Variants in DCAF6 observed in about 807,000 individuals in gnomAD.
The protein encoded by DCAF6 is DDB1- and CUL4-associated factor 6.
Under a neutral mutation model 125.1 loss-of-function variants are expected in DCAF6, and 54 were observed. That is an observed-to-expected ratio of 0.43 (90% CI 0.35 to 0.54). The LOEUF (loss-of-function observed/expected upper bound fraction) is 0.54, where lower values mean the gene tolerates loss of function less well. Among genes scored for constraint, DCAF6 ranks in the 20% least tolerant of loss-of-function variants. DCAF6 has a pLI of 0.01. For missense variants in DCAF6, 934 were observed against 1,161.7 expected (o/e 0.80, Z 2.85); for synonymous variants, 371 against 390.4 (o/e 0.95, Z 0.58).
At chr1:167,893,726 CTT>C in the DCAF6 span, 1 of 320,092 alleles carries the variant, frequency 3.1e-6, no homozygotes, top group East Asian at 8.7e-5. Flanking sequence ...AAAAGGAAGT[CTT>C]TTTATTTTAA....
the DCAF6 span, among the ~76,000 whole-genome samples, chr1:167,903,640 CA>C: frequency 2.6e-5 from 4 of 152,118 alleles, no homozygotes; most frequent in African/African-American, 9.7e-5. Context: ...CTTTTAAAAG[CA>C]GTGTATAATT....
At chr1:167,897,175 TAA>T in the DCAF6 span, among the ~76,000 whole-genome samples, 60 of 136,350 alleles carry the variant, frequency 4.4e-4, no homozygotes, top group Admixed American at 6.7e-4. Flanking sequence ...TATTCTTGGT[TAA>T]AAAAAAAAAA....
At chr1:168,030,523 C>T (rs1686940053) in intron 12 of DCAF6, among the ~76,000 whole-genome samples, 1 of 152,284 alleles carries the variant, frequency 6.6e-6, no homozygotes, top group South Asian at 2.1e-4. Flanking sequence ...TGATTAGAGA[C>T]TGAATCACTT....
In DCAF6 at chr1:167,987,460, CG is replaced by C. The variant is rs757622063; in HGVS notation, c.439-34del. The C allele has an allele frequency of 8.0e-6, 8 of 999,424 alleles. No individual in the cohort carries two copies. In the East Asian group the frequency reaches 1.7e-4, roughly 21 times the overall value. 61.9% of individuals were successfully genotyped at this position (999,424 alleles called of 1,614,324 possible). On this transcript the variant is annotated intron_variant, in intron 4 of 21. Transcript: ENST00000367840. ...TTTCAGAGCCGTCTGTTTAAATGTT[CG>C]TATGATTATCTGCACTTTTCTTTTC...
chr1:167,866,887 C>T, the DCAF6 span, among the ~76,000 whole-genome samples: 1 of 152,182 alleles, frequency 6.6e-6, no homozygotes, highest in Admixed American at 6.5e-5. Context: ...AAGGCTGGCC[C>T]CCATATCTAA....
rs1343864041 is a variant in DCAF6, at chr1:168,002,589, G to T, written c.997+14G>T. On this transcript the variant is annotated intron_variant, in intron 8 of 21. Transcript: ENST00000367840. The stretch of plus-strand genomic sequence containing the variant: ...GAGAACGAGATGGTAACTATACTTT[G>T]GTCAGCTTTTCTTTGTATATGGTAT... 14 of 1,603,834 alleles carry T rather than the reference G, an allele frequency of 8.7e-6. 1 individual carries two copies. The Admixed American group carries it at 2.4e-4, about 27-fold the overall frequency.
intron 5 of DCAF6, among the ~76,000 whole-genome samples, chr1:167,989,072 T>C (rs1186643459): frequency 6.6e-6 from 1 of 151,412 alleles, no homozygotes; most frequent in African/African-American, 2.4e-5. Context: ...ACTGCGAGAC[T>C]CCATCTCAAA....
At chr1:167,880,086 A>C in the DCAF6 span, 14 of 1,597,028 alleles carry the variant, frequency 8.8e-6, no homozygotes, top group East Asian at 2.2e-4. Flanking sequence ...TTGCAGAAAG[A>C]AAGCTGGAGA....
upstream of DCAF6, among the ~76,000 whole-genome samples, chr1:167,933,445 G>C (rs1670970812): frequency 6.6e-6 from 1 of 152,130 alleles, no homozygotes; most frequent in South Asian, 2.1e-4. Context: ...GGGATTACAG[G>C]TGTGAGCCAC....
In DCAF6 at chr1:168,003,096, A is replaced by G. The variant is rs117000515; in HGVS notation, c.997+521A>G. Among the ~76,000 whole-genome samples, 54 of 152,302 alleles carry G rather than the reference A, an allele frequency of 3.5e-4. No individual in the cohort carries two copies. The East Asian group carries it at 7.5e-3, about 21-fold the overall frequency. ...ATTGGTCTGTAACCAAAATCTTACTATAATGACTTCTGAAACATCTCTTGT... is the reference window on the plus strand; with the variant it reads ...ATTGGTCTGTAACCAAAATCTTACTGTAATGACTTCTGAAACATCTCTTGT... On this transcript the variant is annotated intron_variant, in intron 8 of 21. Transcript: ENST00000367840.
chr1:167,940,059 A>G (rs950736988), intron 1 of DCAF6, among the ~76,000 whole-genome samples: 3 of 152,198 alleles, frequency 2.0e-5, no homozygotes, highest in Admixed American at 2.0e-4. Context: ...TTATTTCACC[A>G]TAGCATGTGC....
At chr1:168,058,399 A>G (rs915122271) in intron 17 of DCAF6, among the ~76,000 whole-genome samples, 5 of 152,220 alleles carry the variant, frequency 3.3e-5, no homozygotes, top group African/African-American at 1.2e-4. Flanking sequence ...ATATCTAACA[A>G]TATTTTTTAA....
At chr1:167,992,252 T>TACACACACACACACACAC (rs761598229) in intron 6 of DCAF6, among the ~76,000 whole-genome samples, 1,498 of 143,102 alleles carry the variant, frequency 0.01, 17 homozygotes, top group East Asian at 0.026. Flanking sequence ...AGGCCAGGAT[T>TACACACACACACACACAC]ACACACACAC....
the DCAF6 span, among the ~76,000 whole-genome samples, chr1:167,874,377 G>A: frequency 1.3e-5 from 2 of 151,984 alleles, no homozygotes; most frequent in African/African-American, 4.8e-5. Flanking sequence ...ATAAACTTAT[G>A]AAGAAGGAGC....
At chr1:167,982,789 C>T (rs749229416) in intron 4 of DCAF6, among the ~76,000 whole-genome samples, 47 of 151,914 alleles carry the variant, frequency 3.1e-4, no homozygotes, top group Non-Finnish European at 5.4e-4. Context: ...TCTTATAGTT[C>T]GAGGTCTTAC....
At position 168,004,659 on chromosome 1, in the gene DCAF6, C is replaced by T. The variant is rs745578537; in HGVS notation, c.1244C>T (p.Ser415Phe). 2 of 1,613,976 alleles carry T rather than the reference C, an allele frequency of 1.2e-6. No individual in the cohort carries two copies. Among genetic ancestry groups the T allele is most frequent in the South Asian group, 2.2e-5 (2 of 91,060 alleles). Residue 415 changes from serine (S) to phenylalanine (F), a missense_variant, in exon 10 of 22, where the codon TCT becomes TTT. Physicochemically the swap from Ser to Phe is radical, Grantham distance 155. Transcript: ENST00000367840. ...CAATTTCTTCAGCCTTCTACATCCT[C>T]TACAATGTCAGCTCAGGCTCATTCG... is the stretch of plus-strand genomic sequence containing the variant. The part of the protein sequence containing the change: ...AEQFLQPSTS[S>F]TMSAQAHSTS...
At chr1:167,927,112 C>CTTGATTAGCT in the DCAF6 span, among the ~76,000 whole-genome samples, 1 of 152,218 alleles carries the variant, frequency 6.6e-6, no homozygotes, top group Admixed American at 6.5e-5. Flanking sequence ...AGGATAGATG[C>CTTGATTAGCT]TAATCAAAGA....
intron 1 of DCAF6, among the ~76,000 whole-genome samples, chr1:167,937,849 A>G (rs1049866461): frequency 2.0e-5 from 3 of 151,758 alleles, no homozygotes; most frequent in Non-Finnish European, 4.4e-5. Context: ...CTTCCTGTAT[A>G]CTCTTCATTA....
At chr1:167,944,493 A>G (rs1672761308) in intron 1 of DCAF6, among the ~76,000 whole-genome samples, 1 of 152,310 alleles carries the variant, frequency 6.6e-6, no homozygotes, top group South Asian at 2.1e-4. Context: ...CTTTTTAATA[A>G]AAGACATTCT....
Sources: allele counts gnomAD v4.1 joint callset (sites outside exome capture counted in the v4.1 genomes callset), GRCh38; gene constraint gnomAD v4.1.1; transcripts MANE v1.5; gene names NCBI Gene and HGNC (gene_info 2026-07-23, HGNC 2026-07-21).